DCAF6: variants seen among roughly 807,000 people sequenced by gnomAD.
The protein encoded by DCAF6 is DDB1 and CUL4 associated factor 6.
In DCAF6, 54 loss-of-function variants were observed where a neutral mutation model predicts 125.1. The observed-to-expected ratio is 0.43, with a 90% CI of 0.35 to 0.54. The LOEUF (loss-of-function observed/expected upper bound fraction) is 0.54. Ranked by LOEUF, DCAF6 falls within the 20% of genes least tolerant of loss-of-function variation. The pLI, the probability that DCAF6 is intolerant of heterozygous loss-of-function variation, is 0.01. For missense variants in DCAF6, 934 were observed against 1,161.7 expected (o/e 0.80, Z 2.85); for synonymous variants, 371 against 390.4 (o/e 0.95, Z 0.58).
chr1:168,032,905 C>T (rs1360265242), intron 12 of DCAF6, among the ~76,000 whole-genome samples: 1 of 152,150 alleles, frequency 6.6e-6, no homozygotes, highest in Admixed American at 6.5e-5. Context: ...GAGATAGATT[C>T]TCCAGGGGTA....
the DCAF6 span, among the ~76,000 whole-genome samples, chr1:167,884,015 T>C: frequency 6.6e-6 from 1 of 152,264 alleles, no homozygotes; most frequent in Non-Finnish European, 1.5e-5. Flanking sequence ...TTACATGAGA[T>C]ATTTTGATAC....
At chr1:168,059,136 G>A (rs981433047) in intron 17 of DCAF6, among the ~76,000 whole-genome samples, 3 of 151,798 alleles carry the variant, frequency 2.0e-5, no homozygotes, top group Non-Finnish European at 4.4e-5. Context: ...AAATTTATCT[G>A]AATTTCCTTT....
chr1:167,988,236 C>T (rs1680298877), intron 5 of DCAF6, among the ~76,000 whole-genome samples: 1 of 152,152 alleles, frequency 6.6e-6, no homozygotes, highest in Non-Finnish European at 1.5e-5. Context: ...TCCTAGCTCA[C>T]TGCAGCCTCA....
intron 12 of DCAF6, among the ~76,000 whole-genome samples, chr1:168,037,234 G>T (rs1344360532): frequency 6.6e-6 from 1 of 150,814 alleles, no homozygotes; most frequent in Non-Finnish European, 1.5e-5. Flanking sequence ...CAAGAGGAAT[G>T]AAAAAAGATA....
chr1:168,011,324 G>A (rs2103136994), intron 10 of DCAF6, among the ~76,000 whole-genome samples: 1 of 151,950 alleles, frequency 6.6e-6, no homozygotes, highest in South Asian at 2.1e-4. Context: ...CACCATGTTG[G>A]CCAGGATGGT....
At chr1:167,911,758 T>C in the DCAF6 span, among the ~76,000 whole-genome samples, 2 of 152,242 alleles carry the variant, frequency 1.3e-5, no homozygotes, top group East Asian at 3.8e-4. Flanking sequence ...TTTATGGCAT[T>C]GGAGAACAAG....
intron 7 of DCAF6, among the ~76,000 whole-genome samples, chr1:168,000,707 C>T (rs1682487492): frequency 6.6e-6 from 1 of 152,058 alleles, no homozygotes; most frequent in East Asian, 1.9e-4. Flanking sequence ...ATGAATAAAC[C>T]TTGAAAACAT....
intron 12 of DCAF6, among the ~76,000 whole-genome samples, chr1:168,031,937 T>C (rs543819481): frequency 1.3e-5 from 2 of 152,366 alleles, no homozygotes; most frequent in Admixed American, 1.3e-4. Context: ...GTCAAATGGC[T>C]ACCACATTTC....
intron 1 of DCAF6, among the ~76,000 whole-genome samples, chr1:167,947,461 A>G (rs926029177): frequency 6.6e-6 from 1 of 150,896 alleles, no homozygotes; most frequent in African/African-American, 2.4e-5. Context: ...GCGTTCTTAG[A>G]TTATTAACTT....
At position 168,065,690 on chromosome 1, in the gene DCAF6, T is replaced by A; in HGVS notation, c.2540T>A (p.Leu847His). The change falls in exon 19 of 22, where the codon CTT becomes CAT. Residue 847 changes from leucine to histidine, a missense_variant. By Grantham distance (99) the Leu-to-His change is moderately conservative. Transcript: ENST00000367840. The stretch of plus-strand genomic sequence containing the variant: ...CGGCACACTGCTGAGCATTTGATGC[T>A]TCTGGAAGCTGATAATCATGTGGTA... ...WDRHTAEHLM[L>H]LEADNHVVNC... is the part of the protein sequence containing the mutation. 1 of 1,613,174 alleles carries A rather than the reference T, an allele frequency of 6.2e-7. No individual in the cohort carries two copies. The highest frequency in any genetic ancestry group is 1.3e-5 in the African/African-American group (1 of 75,024).
intron 2 of DCAF6, among the ~76,000 whole-genome samples, chr1:167,952,332 C>T (rs1486419383): frequency 2.0e-5 from 3 of 152,118 alleles, no homozygotes; most frequent in Non-Finnish European, 4.4e-5. Flanking sequence ...ATTCTCCTGC[C>T]TCAGCCTCCT....
the DCAF6 span, chr1:167,920,038 C>G: frequency 6.2e-7 from 1 of 1,613,424 alleles, no homozygotes; most frequent in Middle Eastern, 1.7e-4. Context: ...TAACAGCAAA[C>G]AGACTCCAAT....
At chr1:168,053,930 C>T (rs1690271613) in intron 17 of DCAF6, among the ~76,000 whole-genome samples, 1 of 152,150 alleles carries the variant, frequency 6.6e-6, no homozygotes, top group South Asian at 2.1e-4. Flanking sequence ...CTAAAGATAG[C>T]AGCATCAGAC....
intron 2 of DCAF6, among the ~76,000 whole-genome samples, chr1:167,952,073 G>A (rs974514802): frequency 2.6e-5 from 4 of 152,108 alleles, no homozygotes; most frequent in African/African-American, 9.7e-5. Flanking sequence ...TTATCGAAAG[G>A]CTTCCATCTC....
At chr1:167,872,842 C>A in the DCAF6 span, among the ~76,000 whole-genome samples, 1 of 150,832 alleles carries the variant, frequency 6.6e-6, no homozygotes, top group African/African-American at 2.4e-5. Context: ...GAGGCCAAGG[C>A]GGGCAGATCA....
intron 17 of DCAF6, 73 bp downstream of exon 17, chr1:168,051,006 C>CT (rs1689852744): frequency 9.8e-6 from 7 of 714,876 alleles, no homozygotes; most frequent in Non-Finnish European, 1.5e-5. Flanking sequence ...CACAGCTAAC[C>CT]ACCTTTCCTA....
chr1:168,015,810 C>T lies in DCAF6; in HGVS notation c.1408C>T (p.Leu470Phe), dbSNP rs1254658549. 3 of 1,525,412 alleles carry T rather than the reference C, an allele frequency of 2.0e-6. No homozygotes were observed. In the South Asian group the frequency reaches 3.7e-5, roughly 19 times the overall value. 94.5% of individuals were successfully genotyped at this position (1,525,412 alleles called of 1,614,324 possible). Residue 470 changes from leucine (L) to phenylalanine (F), a missense_variant, in exon 11 of 22, where the codon CTT becomes TTT. Leu to Phe is a conservative substitution (Grantham distance 22). Around this residue, in one of 5 missense-constraint regions of DCAF6, gnomAD observed 559 missense variants for 635.5 expected, o/e 0.88. Transcript: ENST00000367840. Reference sequence around the variant, plus strand: ...TTTAAGGGGCCCTGAGATAGCTTTGCTTCGTAAGCGCCTGCAACAACTGAG... The same window carrying T: ...TTTAAGGGGCCCTGAGATAGCTTTGTTTCGTAAGCGCCTGCAACAACTGAG... ...EFLRGPEIALLRKRLQQLRLK... is the reference protein window; with the variant it reads ...EFLRGPEIALFRKRLQQLRLK...
chr1:167,943,958 C>T (rs1237099350), intron 1 of DCAF6, among the ~76,000 whole-genome samples: 2 of 152,104 alleles, frequency 1.3e-5, no homozygotes, highest in Non-Finnish European at 2.9e-5. Context: ...CCTGCCTCAG[C>T]CTCCCAAGTA....
the DCAF6 span, among the ~76,000 whole-genome samples, chr1:167,871,785 A>AACT: frequency 0.025 from 3,771 of 152,330 alleles, 156 homozygotes; most frequent in African/African-American, 0.083. Flanking sequence ...GCTTAGTGAG[A>AACT]ACTACTTAGC....
Sources: gnomAD v4.1 joint callset for allele counts (sites outside exome capture counted in the v4.1 genomes callset) on GRCh38, gnomAD v4.1.1 for gene constraint, gnomAD v4.1.1 regional missense constraint, MANE v1.5 for transcripts, NCBI Gene and HGNC (gene_info 2026-07-23, HGNC 2026-07-21) for gene names.